The following SLC4A1AP variants were observed in gnomAD, a reference collection of about 807,000 sequenced individuals.
SLC4A1AP encodes kanadaptin.
A neutral mutation model predicts 89.7 loss-of-function variants in SLC4A1AP; 64 were observed. That is an observed-to-expected ratio of 0.71 (90% CI 0.58 to 0.88). The LOEUF (loss-of-function observed/expected upper bound fraction) is 0.88. Ranked by LOEUF, SLC4A1AP falls within the 40% of genes least tolerant of loss-of-function variation. The pLI, the probability that SLC4A1AP is intolerant of heterozygous loss-of-function variation, is 0.00. For synonymous variants in SLC4A1AP, 366 were observed against 353.3 expected (o/e 1.04, Z -0.40); for missense variants, 931 against 965.0 (o/e 0.96, Z 0.47).
rs892277463 is a variant in SLC4A1AP at position 27,687,427 on chromosome 2, T to TA, written c.2117-495dup. 1.2e-3 allele frequency among the ~76,000 whole-genome samples: 176 copies of TA among 145,088 alleles called. 1 individual carries two copies. Among genetic ancestry groups the TA allele is most frequent in the Admixed American group, 0.01 (152 of 14,544 alleles). On this transcript the variant is annotated intron_variant, in intron 10 of 13. Coordinates refer to ENST00000613058, the Ensembl canonical transcript of SLC4A1AP. Reference sequence around the variant, plus strand: ...GTGAAACTCTATCTCTACAAAAAATTAAAAAAAAAAAATATTGGCCAGGCA... The same window carrying TA: ...GTGAAACTCTATCTCTACAAAAAATTAAAAAAAAAAAAATATTGGCCAGGCA...
chr2:27,665,009 T>C, intron 1 of SLC4A1AP, 91 bp from the exon 2 acceptor site: 1 of 992,360 alleles, frequency 1.0e-6, no homozygotes, highest in Admixed American at 2.4e-5. Flanking sequence ...GTGAGGTGTA[T>C]TACAGCCACT....
At chr2:27,693,640 G>A in intron 12 of SLC4A1AP, 45 bp from the exon 13 acceptor site, 1 of 1,496,788 alleles carries the variant, frequency 6.7e-7, no homozygotes. Flanking sequence ...TAAGGTTTCT[G>A]GAGAGAAATT....
chr2:27,682,410 G>A (rs1305092520), intron 9 of SLC4A1AP, 51 bp downstream of exon 9: 1 of 1,152,086 alleles, frequency 8.7e-7, no homozygotes, highest in Admixed American at 2.1e-5. Context: ...TTATCCCTGA[G>A]CTAATTTTTC....
intron 8 of SLC4A1AP, among the ~76,000 whole-genome samples, chr2:27,682,012 A>G (rs537305670): frequency 3.9e-5 from 6 of 152,160 alleles, no homozygotes; most frequent in Non-Finnish European, 8.8e-5. Flanking sequence ...CATGTGGCAA[A>G]TTACTTGACT....
rs34406797 is a variant in SLC4A1AP, at chr2:27,680,786, A to AAACAACAAC, written c.1764-1436_1764-1428dup. On this transcript the variant is annotated intron_variant, in intron 8 of 13. Transcript: ENST00000613058. ...AACAAAAACAAATCTCTGCTTTGGA[A>AAACAACAAC]AACAACAACAACAACAACAACAACA... Among the ~76,000 whole-genome samples, 310 of 147,480 alleles carry AAACAACAAC rather than the reference A, an allele frequency of 2.1e-3. 3 individuals are homozygous for AAACAACAAC. The highest frequency in any genetic ancestry group is 7.1e-3 in the African/African-American group (281 of 39,674).
exon 2 of SLC4A1AP, chr2:27,665,184 GAGA>G: frequency 6.2e-7 from 1 of 1,613,812 alleles, no homozygotes. Context: ...AATATTGTTG[GAGA>G]AGAAGATGCT....
At chr2:27,668,614 T>C (rs951514546) in intron 3 of SLC4A1AP, 8 of 672,480 alleles carry the variant, frequency 1.2e-5, no homozygotes, top group Admixed American at 2.0e-5. Flanking sequence ...CATGCCCGGC[T>C]AATTTCTGTA....
At chr2:27,674,418 T>C (rs1675480559) in intron 5 of SLC4A1AP, among the ~76,000 whole-genome samples, 1 of 152,180 alleles carries the variant, frequency 6.6e-6, no homozygotes, top group African/African-American at 2.4e-5. Flanking sequence ...TAGAATAAAT[T>C]CCTAGAAGTG....
At chr2:27,689,284 A>G (rs571091660) in intron 12 of SLC4A1AP, among the ~76,000 whole-genome samples, 76 of 152,306 alleles carry the variant, frequency 5.0e-4, no homozygotes, top group African/African-American at 1.7e-3. Context: ...TTGTATATAT[A>G]TAATTTTGTG....
exon 9 of SLC4A1AP, chr2:27,682,351 A>G (rs774487791): frequency 6.2e-7 from 1 of 1,603,252 alleles, no homozygotes; most frequent in Admixed American, 1.7e-5. Context: ...AAAAACTGGA[A>G]CAGTAGGGGT....
At chr2:27,669,787 T>C (rs1675391718) in intron 5 of SLC4A1AP, among the ~76,000 whole-genome samples, 1 of 152,126 alleles carries the variant, frequency 6.6e-6, no homozygotes, top group Non-Finnish European at 1.5e-5. Flanking sequence ...GTCTCCCAGG[T>C]TCAAGCCATC....
At chr2:27,666,613 A>C (rs1032250862) in intron 2 of SLC4A1AP, among the ~76,000 whole-genome samples, 1 of 152,118 alleles carries the variant, frequency 6.6e-6, no homozygotes, top group Non-Finnish European at 1.5e-5. Flanking sequence ...AACGAAAGTT[A>C]GATATGAGTG....
intron 5 of SLC4A1AP, 107 bp from the exon 6 acceptor site, chr2:27,675,425 T>C: frequency 1.5e-6 from 1 of 683,272 alleles, no homozygotes; most frequent in Non-Finnish European, 2.4e-6. Flanking sequence ...GTAGAACCTC[T>C]CTTTCAGTAG....
intron 2 of SLC4A1AP, among the ~76,000 whole-genome samples, chr2:27,666,209 A>G (rs1350734205): frequency 6.6e-6 from 1 of 152,234 alleles, no homozygotes; most frequent in East Asian, 1.9e-4. Flanking sequence ...TAGAAAATTT[A>G]AGATGACGCA....
chr2:27,681,588 T>A (rs554746528), intron 8 of SLC4A1AP, among the ~76,000 whole-genome samples: 4 of 152,186 alleles, frequency 2.6e-5, no homozygotes, highest in African/African-American at 4.8e-5. Context: ...TCTGAGTATC[T>A]TGTCAACTGA....
intron 5 of SLC4A1AP, 103 bp downstream of exon 5, chr2:27,669,490 A>C: frequency 8.2e-7 from 1 of 1,214,698 alleles, no homozygotes; most frequent in East Asian, 2.5e-5. Context: ...ATTGTACAAA[A>C]TTTTTTGAAG....
At chr2:27,671,549 A>G (rs916621816) in intron 5 of SLC4A1AP, among the ~76,000 whole-genome samples, 5 of 152,054 alleles carry the variant, frequency 3.3e-5, no homozygotes, top group East Asian at 1.9e-4. Context: ...GAAGAGCACT[A>G]TTTTTCTTTC....
chr2:27,667,990 A>G (rs1165839298), intron 3 of SLC4A1AP, among the ~76,000 whole-genome samples: 3 of 152,190 alleles, frequency 2.0e-5, no homozygotes, highest in Non-Finnish European at 4.4e-5. Context: ...GAAACATACT[A>G]TACAGTGAAC....
chr2:27,678,292 C>T (rs1675556504), intron 8 of SLC4A1AP, among the ~76,000 whole-genome samples: 1 of 152,058 alleles, frequency 6.6e-6, no homozygotes, highest in African/African-American at 2.4e-5. Flanking sequence ...TACCTGTAAT[C>T]CTAGAACTTT....
Sources: gnomAD v4.1 joint callset for allele counts (sites outside exome capture counted in the v4.1 genomes callset) on GRCh38, gnomAD v4.1.1 for gene constraint, MANE v1.5 for transcripts, NCBI Gene and HGNC (gene_info 2026-07-23, HGNC 2026-07-21) for gene names.